The following HSD17B11 variants were observed in gnomAD, a reference collection of about 807,000 sequenced individuals.
HSD17B11 encodes the protein hydroxysteroid 17-beta dehydrogenase 11, also known as estradiol 17-beta-dehydrogenase 11.
A neutral mutation model predicts 27.8 loss-of-function variants in HSD17B11; 22 were observed. The observed-to-expected ratio is 0.79, with a 90% confidence interval of 0.56 to 1.13. The LOEUF is 1.13. HSD17B11 is among the 50% of genes most tolerant of loss of function. The pLI, the probability that HSD17B11 is intolerant of heterozygous loss-of-function variation, is 0.00. For missense variants in HSD17B11, 314 were observed against 351.1 expected, an observed-to-expected ratio of 0.89 and a Z score of 0.84; for synonymous variants, 117 against 132.8, an observed-to-expected ratio of 0.88 and a Z score of 0.82.
In HSD17B11 at chr4:87,374,732, C is replaced by CT. The variant is rs1290941119; in HGVS notation, c.416dup (p.Thr140AspfsTer3). The CT allele has an allele frequency of 6.2e-7, 1 of 1,608,138 alleles. No individual in the cohort carries two copies. Among genetic ancestry groups the CT allele is most frequent in the Admixed American group, 1.7e-5 (1 of 58,220 alleles). ...GTGCAAGTACATTAACTTCAAAAGT[C>CT]TTTTCAATCTGAGGATCTTGTGTAG... On this transcript the variant is annotated frameshift_variant, in exon 3 of 7. Coordinates refer to ENST00000358290, the MANE Select transcript of HSD17B11 (RefSeq NM_016245.5). LOFTEE classifies it high-confidence loss of function.
At chr4:87,379,906 C>CATATT (rs201105605) in intron 2 of HSD17B11, among the ~76,000 whole-genome samples, 3 of 145,092 alleles carry the variant, frequency 2.1e-5, no homozygotes, top group African/African-American at 7.6e-5. Context: ...CTCATATATA[C>CATATT]ATATTATATT....
chr4:87,360,003 A>C (rs1470274238), intron 4 of HSD17B11, among the ~76,000 whole-genome samples: 1 of 152,216 alleles, frequency 6.6e-6, no homozygotes, highest in East Asian at 1.9e-4. Flanking sequence ...TTCATGGAAA[A>C]ATCATAATAT....
At chr4:87,380,470 C>CAAAAAAAAAAAAAAAAAAA (rs759061081) in intron 2 of HSD17B11, among the ~76,000 whole-genome samples, 1 of 39,046 alleles carries the variant, frequency 2.6e-5, no homozygotes, top group Non-Finnish European at 5.2e-5. Flanking sequence ...AAGACTGTCT[C>CAAAAAAAAAAAAAAAAAAA]AAAAAAAAAA....
intron 2 of HSD17B11, among the ~76,000 whole-genome samples, chr4:87,375,327 T>C (rs1003912126): frequency 1.1e-4 from 17 of 152,252 alleles, no homozygotes; most frequent in African/African-American, 4.1e-4. Context: ...TCTTCAAGTG[T>C]ATCAGGTGGA....
chr4:87,363,787 G>T (rs148193788), intron 4 of HSD17B11, among the ~76,000 whole-genome samples: 1 of 152,204 alleles, frequency 6.6e-6, no homozygotes, highest in Non-Finnish European at 1.5e-5. Flanking sequence ...CACTTTCACA[G>T]TGGCAGTCTA....
intron 5 of HSD17B11, among the ~76,000 whole-genome samples, chr4:87,341,117 A>C (rs1370820376): frequency 1.3e-5 from 2 of 152,066 alleles, no homozygotes; most frequent in African/African-American, 4.8e-5. Context: ...TCATCTCCAC[A>C]TGATATGCTT....
At chr4:87,365,863 A>T in intron 4 of HSD17B11, 1 of 150,732 alleles carries the variant, frequency 6.6e-6, no homozygotes, top group East Asian at 1.9e-4. Flanking sequence ...GAAGTTGTGG[A>T]AGGTTTTTTT....
chr4:87,361,112 C>T (rs865936673), intron 4 of HSD17B11, among the ~76,000 whole-genome samples: 29 of 152,194 alleles, frequency 1.9e-4, no homozygotes, highest in Middle Eastern at 3.4e-3. Context: ...ATGGTTAAGG[C>T]ATTCTAAGTC....
intron 4 of HSD17B11, among the ~76,000 whole-genome samples, chr4:87,371,960 C>G (rs527693092): frequency 6.6e-6 from 1 of 151,802 alleles, no homozygotes; most frequent in African/African-American, 2.4e-5. Context: ...AGCCACTTCT[C>G]GGCTGGGCGA....
chr4:87,377,037 G>C (rs1447003086), intron 2 of HSD17B11, among the ~76,000 whole-genome samples: 1 of 152,168 alleles, frequency 6.6e-6, no homozygotes, highest in East Asian at 1.9e-4. Flanking sequence ...GGTTGAACTG[G>C]GAGGATTGCT....
chr4:87,373,881 C>T (rs1277188819), intron 3 of HSD17B11, among the ~76,000 whole-genome samples: 1 of 151,748 alleles, frequency 6.6e-6, no homozygotes, highest in Non-Finnish European at 1.5e-5. Flanking sequence ...TTTGAGGGGC[C>T]TTTTTAAGAA....
chr4:87,368,448 C>A (rs1310784438), intron 4 of HSD17B11, among the ~76,000 whole-genome samples: 2 of 152,126 alleles, frequency 1.3e-5, no homozygotes, highest in African/African-American at 4.8e-5. Context: ...AATATCATGG[C>A]CCCATTCAGC....
chr4:87,388,803 T>C (rs1049707951), intron 1 of HSD17B11, among the ~76,000 whole-genome samples: 2 of 152,244 alleles, frequency 1.3e-5, no homozygotes, highest in African/African-American at 2.4e-5. Context: ...ATTTGTTGGA[T>C]AAATGCATGT....
chr4:87,340,848 A>G (rs1560757277), intron 5 of HSD17B11, among the ~76,000 whole-genome samples: 1 of 152,210 alleles, frequency 6.6e-6, no homozygotes. Flanking sequence ...AGGTTATTCC[A>G]TTGACGTTTG....
intron 2 of HSD17B11, among the ~76,000 whole-genome samples, chr4:87,379,540 A>T (rs1720071404): frequency 6.8e-6 from 1 of 146,688 alleles, no homozygotes; most frequent in East Asian, 1.9e-4. Context: ...CATATACAGC[A>T]TTATATACAT....
intron 5 of HSD17B11, 130 bp from the exon 6 acceptor site, chr4:87,340,736 T>C: frequency 1.8e-6 from 1 of 568,904 alleles, no homozygotes; most frequent in Admixed American, 2.9e-5. Context: ...TAGCCTAGTA[T>C]AGGTGCTCAG....
chr4:87,378,960 A>T (rs1291367109), intron 2 of HSD17B11, among the ~76,000 whole-genome samples: 519 of 25,338 alleles, frequency 0.02, 23 homozygotes, highest in African/African-American at 0.043. Flanking sequence ...ATATATATAT[A>T]TTTTTTTTTT....
Position 87,341,950 on chromosome 4 carries a change from T to C in HSD17B11, c.696-1344A>G, listed in dbSNP as rs76768039. Among the ~76,000 whole-genome samples, 1,246 of 152,304 alleles carry C rather than the reference T, an allele frequency of 8.2e-3. 11 individuals are homozygous for C. The highest frequency in any genetic ancestry group is 0.028 in the African/African-American group (1,169 of 41,552). On this transcript the variant is annotated intron_variant, in intron 5 of 6. Transcript: ENST00000358290. ...AGAGGAGCTGCACAAGAGTTAGTAC[T>C]GAGACTTTTTAACATTTTATTAATG... is the stretch of plus-strand genomic sequence containing the variant.
intron 6 of HSD17B11, among the ~76,000 whole-genome samples, chr4:87,337,796 G>A (rs954559071): frequency 3.3e-5 from 5 of 152,166 alleles, no homozygotes; most frequent in Admixed American, 1.3e-4. Context: ...TGCAGACAAC[G>A]CTTTGGTTTT....
Sources: gnomAD v4.1 joint callset for allele counts (sites outside exome capture counted in the v4.1 genomes callset) on GRCh38, gnomAD v4.1.1 for gene constraint, MANE v1.5 for transcripts, NCBI Gene and HGNC (gene_info 2026-07-23, HGNC 2026-07-21) for gene names.